The following ZNF821 variants were observed in gnomAD, a reference collection of about 807,000 sequenced individuals.
The protein encoded by ZNF821 is zinc finger protein 821.
ZNF821 carries 16 observed loss-of-function variants against 44.3 expected under a neutral mutation model. The ratio of observed to expected loss-of-function variants is 0.36; its 90% CI spans 0.24 to 0.55. The LOEUF is 0.55. Among genes scored for constraint, ZNF821 ranks in the 20% least tolerant of loss-of-function variants. The pLI is 0.86. For synonymous variants in ZNF821, 204 were observed against 197.6 expected, an observed-to-expected ratio of 1.03 and a Z score of -0.27; for missense variants, 436 against 547.6, an observed-to-expected ratio of 0.80 and a Z score of 2.03.
At chr16:71,883,062 G>C (rs2036592493) in intron 2 of ZNF821, 149 bp downstream of exon 2, 3 of 455,910 alleles carry the variant, frequency 6.6e-6, no homozygotes, top group Middle Eastern at 3.3e-4. Context: ...GCAAGGTTAA[G>C]AGTCCTCGGG....
At chr16:71,893,029 C>CTCTTTTTTTTTT (rs2036898859) in intron 1 of ZNF821, among the ~76,000 whole-genome samples, 1 of 65,908 alleles carries the variant, frequency 1.5e-5, no homozygotes, top group South Asian at 8.5e-4. Context: ...CCCTGCCTGG[C>CTCTTTTTTTTTT]TTTTTTTTTT....
upstream of ZNF821, chr16:71,884,623 G>T (rs972737172): frequency 6.6e-6 from 1 of 152,208 alleles, no homozygotes; most frequent in East Asian, 1.9e-4. Context: ...CACGCTTCGC[G>T]GTGGCTTCGG....
intron 1 of ZNF821, among the ~76,000 whole-genome samples, chr16:71,891,977 C>CA (rs1346329237): frequency 5.4e-5 from 6 of 111,656 alleles, no homozygotes; most frequent in African/African-American, 1.1e-4. Context: ...CCCTGGGCGA[C>CA]AGAGAGAGAC....
rs367747974 is a variant in ZNF821, at chr16:71,860,129, G to C, written c.1128C>G (p.Ala376=). The C allele has an allele frequency of 7.4e-6, 12 of 1,614,244 alleles. No individual in the cohort carries two copies. The highest frequency in any genetic ancestry group is 1.0e-5 in the Non-Finnish European group (12 of 1,180,040). ...QFGQDPSAMA[A]LAAEMNFFQL... ...GGAAGAAGTTCATTTCAGCTGCTAA[G>C]GCTGCCATGGCAGAAGGGTCCTGGC... Residue 376 remains alanine, a synonymous_variant, in exon 8 of 8, where the codon GCC becomes GCG. Coordinates refer to ENST00000425432, the MANE Select transcript of ZNF821 (RefSeq NM_001201552.2). The surrounding 1 kb of genome is among the most constrained non-coding windows in gnomAD (Gnocchi z 7.3).
chr16:71,876,253 G>C (rs1479682691), intron 3 of ZNF821, among the ~76,000 whole-genome samples: 1 of 152,110 alleles, frequency 6.6e-6, no homozygotes, highest in African/African-American at 2.4e-5. Flanking sequence ...GCCCAGGCTA[G>C]AGTGCAGTGG....
Position 71,859,960 on chromosome 16 carries a change from T to C in ZNF821, c.*58A>G. On this transcript the variant is annotated 3_prime_UTR_variant, in exon 8 of 8. Transcript: ENST00000425432. Reference sequence around the variant, plus strand: ...TGGCAGCAGCACTGGTCCTCGTGGCTGTGGGTGTGGGTGGGTGGGTAGGTA... The same window carrying C: ...TGGCAGCAGCACTGGTCCTCGTGGCCGTGGGTGTGGGTGGGTGGGTAGGTA... The C allele has an allele frequency of 3.4e-6, 5 of 1,449,434 alleles. No individual in the cohort carries two copies. The highest frequency in any genetic ancestry group is 4.5e-6 in the Non-Finnish European group (5 of 1,105,194). 89.8% of individuals were successfully genotyped at this position (1,449,434 alleles called of 1,614,324 possible).
chr16:71,888,557 A>G (rs879353174), upstream of ZNF821, among the ~76,000 whole-genome samples: 5 of 152,132 alleles, frequency 3.3e-5, no homozygotes, highest in Non-Finnish European at 7.4e-5. Context: ...TTGTCTTGGT[A>G]TCCTTGTTGA....
intron 3 of ZNF821, among the ~76,000 whole-genome samples, chr16:71,871,318 T>G (rs1195915343): frequency 6.6e-6 from 1 of 152,248 alleles, no homozygotes; most frequent in Non-Finnish European, 1.5e-5. Flanking sequence ...GTGAACTTTA[T>G]TCCTCAGAAC....
upstream of ZNF821, among the ~76,000 whole-genome samples, chr16:71,887,550 C>T (rs1025340175): frequency 2.6e-5 from 4 of 152,102 alleles, no homozygotes; most frequent in East Asian, 1.9e-4. Flanking sequence ...CGTGAGCCAT[C>T]GCGCGCAGCC....
rs560376648 is a variant in ZNF821 at position 71,892,178 on chromosome 16, CAAAAAAAAAAA to C, written n.448+2700_448+2710del. Among the ~76,000 whole-genome samples, 31 of 31,934 alleles carry C rather than the reference CAAAAAAAAAAA, an allele frequency of 9.7e-4. No individual in the cohort carries two copies. The East Asian group carries it at 0.013, about 13-fold the overall frequency. The allele number at this position is 31,934 out of a possible 152,430, so 20.9% of individuals were successfully genotyped here. A position where few individuals can be genotyped will look rare whatever the true frequency, so the allele number is the denominator to read the frequency against. ...GGGCAACAAGAGAGAAACTCCGTCT[CAAAAAAAAAAA>C]AAAAAAAAAAAAAAAAAAAAAGAAT... On this transcript the variant is annotated intron_variant and non_coding_transcript_variant, in intron 1 of 2. Transcript: ENST00000561700.
chr16:71,885,443 C>G (rs1226377852), upstream of ZNF821: 1 of 152,210 alleles, frequency 6.6e-6, no homozygotes, highest in Non-Finnish European at 1.5e-5. Context: ...TGCAATAATT[C>G]CTGGCCTTTA....
At chr16:71,878,434 C>T (rs918043288) in intron 3 of ZNF821, among the ~76,000 whole-genome samples, 1 of 151,574 alleles carries the variant, frequency 6.6e-6, no homozygotes, top group Admixed American at 6.6e-5. Context: ...GTCTTTTTAA[C>T]GAACATTTGG....
intron 3 of ZNF821, among the ~76,000 whole-genome samples, chr16:71,875,309 T>C (rs941177999): frequency 6.6e-6 from 1 of 152,104 alleles, no homozygotes; most frequent in African/African-American, 2.4e-5. Flanking sequence ...TGAGATGGAG[T>C]CTCACTCCGT....
intron 1 of ZNF821, among the ~76,000 whole-genome samples, chr16:71,892,215 CAT>C (rs1282831182): frequency 1.2e-4 from 9 of 75,890 alleles, no homozygotes; most frequent in African/African-American, 4.2e-4. Flanking sequence ...AAAAAAGAAT[CAT>C]GTCACCTTTA....
exon 1 of ZNF821, chr16:71,894,925 C>G (rs1433321631): frequency 2.7e-6 from 3 of 1,110,954 alleles, no homozygotes; most frequent in South Asian, 2.7e-5. Context: ...GACTGTGGTG[C>G]TGAGGAAACA....
At chr16:71,864,678 G>C in intron 5 of ZNF821, 3 of 534,056 alleles carry the variant, frequency 5.6e-6, no homozygotes, top group South Asian at 5.2e-5. Context: ...CTGCAGGAAA[G>C]AGAGCTGTGC....
At chr16:71,891,158 C>T (rs1029273235) in intron 1 of ZNF821, among the ~76,000 whole-genome samples, 5 of 152,148 alleles carry the variant, frequency 3.3e-5, no homozygotes, top group Non-Finnish European at 5.9e-5. Context: ...CTGATTAAGG[C>T]TTGCAGGCCT....
At chr16:71,878,303 T>G (rs1233508075) in intron 3 of ZNF821, among the ~76,000 whole-genome samples, 1 of 151,672 alleles carries the variant, frequency 6.6e-6, no homozygotes, top group Non-Finnish European at 1.5e-5. Flanking sequence ...TTAGTGGAGA[T>G]GAGTTTTTTG....
At position 71,864,192 on chromosome 16, in the gene ZNF821, G is replaced by A. The variant is rs774314544; in HGVS notation, c.363C>T (p.Pro121=). 3 of 1,614,068 alleles carry A rather than the reference G, an allele frequency of 1.9e-6. No individual in the cohort carries two copies. In the Admixed American group the frequency reaches 5.0e-5, roughly 27 times the overall value. Residue 121 remains proline, a synonymous_variant, in exon 6 of 8, where the codon CCC becomes CCT. Transcript: ENST00000425432. The part of the protein sequence containing the change: ...SDPLLELCQC[P]LCQLDCGSRE... ...GGCTCCCGCAGTCTAGCTGGCAGAG[G>A]GGACACTGGCAGAGTTCAAGCAAGG...
Sources: gnomAD v4.1 joint callset for allele counts (sites outside exome capture counted in the v4.1 genomes callset) on GRCh38, gnomAD v4.1.1 for gene constraint, Gnocchi (gnomAD v3.1) non-coding constraint, MANE v1.5 for transcripts, NCBI Gene and HGNC (gene_info 2026-07-23, HGNC 2026-07-21) for gene names.